Variants in GPD1L observed in about 807,000 individuals in gnomAD.
GPD1L encodes the protein glycerol-3-phosphate dehydrogenase 1-like protein.
Under a neutral mutation model 32.9 loss-of-function variants are expected in GPD1L, and 17 were observed. That is an observed-to-expected ratio of 0.52 (90% confidence interval 0.35 to 0.78). The LOEUF is 0.78. Among genes scored for constraint, GPD1L ranks in the 30% least tolerant of loss-of-function variants. The probability of loss-of-function intolerance (pLI) is 0.01; values close to 1 mark genes in which losing one functional copy is unlikely to be tolerated. For missense variants in GPD1L, 361 were observed against 447.8 expected (o/e 0.81, Z 1.75); for synonymous variants, 187 against 165.9 (o/e 1.13, Z -0.98).
chr3:32,125,547 C>T (rs1433420023), intron 1 of GPD1L, among the ~76,000 whole-genome samples: 1 of 152,088 alleles, frequency 6.6e-6, no homozygotes, highest in East Asian at 1.9e-4. Context: ...TTATGGTTCT[C>T]TTAATAGAAG....
chr3:32,122,995 C>G (rs1220443097), intron 1 of GPD1L, among the ~76,000 whole-genome samples: 1 of 152,152 alleles, frequency 6.6e-6, no homozygotes, highest in Non-Finnish European at 1.5e-5. Context: ...GCCTTGACCT[C>G]CTGGGCTCAA....
intron 1 of GPD1L, among the ~76,000 whole-genome samples, chr3:32,120,770 G>A (rs548059882): frequency 6.4e-4 from 97 of 152,286 alleles, no homozygotes; most frequent in African/African-American, 2.1e-3. Flanking sequence ...TTCCCCCTTG[G>A]CATAATAAAT....
chr3:32,116,014 T>G (rs955405871), intron 1 of GPD1L, among the ~76,000 whole-genome samples: 1 of 152,038 alleles, frequency 6.6e-6, no homozygotes, highest in African/African-American at 2.4e-5. Context: ...GGTCTCGATC[T>G]CCTGACCTCG....
intron 4 of GPD1L, among the ~76,000 whole-genome samples, chr3:32,143,371 G>T (rs1386624022): frequency 6.6e-6 from 1 of 152,114 alleles, no homozygotes; most frequent in Non-Finnish European, 1.5e-5. Flanking sequence ...GATTACAGGT[G>T]CGAGCCACTG....
rs1159743714 is a variant in GPD1L at position 32,166,700 on chromosome 3, G to A, written c.*790G>A. 1 of 152,640 alleles carries A rather than the reference G, an allele frequency of 6.6e-6. No homozygotes were observed. The highest frequency in any genetic ancestry group is 2.4e-5 in the African/African-American group (1 of 41,452). 9.5% of individuals were successfully genotyped at this position (152,640 alleles called of 1,614,324 possible). A position where few individuals can be genotyped will look rare whatever the true frequency, so the allele number is the denominator to read the frequency against. On this transcript the variant is annotated 3_prime_UTR_variant, in exon 8 of 8. Coordinates refer to ENST00000282541, the MANE Select transcript of GPD1L (RefSeq NM_015141.4). The stretch of plus-strand genomic sequence containing the variant: ...TTATCTTAAACATCACAGATCCACT[G>A]GGGGGTGCAAGGGGCTACTGTTAGT...
intron 5 of GPD1L, among the ~76,000 whole-genome samples, chr3:32,158,131 T>G (rs886122701): frequency 6.6e-6 from 1 of 152,176 alleles, no homozygotes; most frequent in African/African-American, 2.4e-5. Context: ...TCTACCCCAG[T>G]GCCAGTTGAC....
At chr3:32,119,594 C>A (rs1559569762) in intron 1 of GPD1L, among the ~76,000 whole-genome samples, 1 of 152,152 alleles carries the variant, frequency 6.6e-6, no homozygotes, top group Non-Finnish European at 1.5e-5. Context: ...TAAAATACTT[C>A]ATTTTTAACA....
chr3:32,166,984 C>CT lies in GPD1L; in HGVS notation c.*1076dup, dbSNP rs1701156105. ...CCTCGGTGCAGCAGCATCAGCTTCA[C>CT]TTGTGGGGGGGTGGGGGAAGGGGCG... On this transcript the variant is annotated 3_prime_UTR_variant, in exon 8 of 8. Transcript: ENST00000282541. The CT allele has an allele frequency of 6.6e-6, 1 of 151,530 alleles. No individual in the cohort carries two copies. The highest frequency in any genetic ancestry group is 6.6e-5 in the Admixed American group (1 of 15,240). The allele number at this position is 151,530 out of a possible 1,614,324, so 9.4% of individuals were successfully genotyped here.
At chr3:32,136,364 A>G (rs1014870691) in intron 2 of GPD1L, among the ~76,000 whole-genome samples, 3 of 152,190 alleles carry the variant, frequency 2.0e-5, no homozygotes, top group African/African-American at 7.2e-5. Context: ...GTTGGCTCTG[A>G]TTGTTTAATG....
chr3:32,114,096 C>A (rs1653696886), intron 1 of GPD1L, among the ~76,000 whole-genome samples: 2 of 152,240 alleles, frequency 1.3e-5, no homozygotes, highest in African/African-American at 2.4e-5. Flanking sequence ...CTCAAGTGAT[C>A]CTCCTGCCTT....
At chr3:32,143,121 C>T (rs945365506) in intron 4 of GPD1L, among the ~76,000 whole-genome samples, 8 of 151,756 alleles carry the variant, frequency 5.3e-5, no homozygotes, top group Admixed American at 1.3e-4. Flanking sequence ...GGAGATTGAG[C>T]GAGGCTGTAG....
intron 1 of GPD1L, among the ~76,000 whole-genome samples, chr3:32,121,790 A>G (rs915871336): frequency 5.2e-5 from 7 of 135,498 alleles, no homozygotes; most frequent in Non-Finnish European, 1.1e-4. Flanking sequence ...TATTTTTTTT[A>G]GGCAGAGTTT....
At chr3:32,124,966 A>C (rs1264462529) in intron 1 of GPD1L, among the ~76,000 whole-genome samples, 2 of 152,094 alleles carry the variant, frequency 1.3e-5, no homozygotes, top group African/African-American at 4.8e-5. Flanking sequence ...GTTAAAACAA[A>C]ATAAAATATA....
rs1376435565 is a variant in GPD1L at position 32,158,595 on chromosome 3, C to G, written c.619-281C>G. On this transcript the variant is annotated intron_variant, in intron 5 of 7. Transcript: ENST00000282541. ...GTAGTTTGTCCAAACATTATTTAACCAAAGACTACTATCAGCCGTTCTGAT... is the reference window on the plus strand; with the variant it reads ...GTAGTTTGTCCAAACATTATTTAACGAAAGACTACTATCAGCCGTTCTGAT... The G allele has an allele frequency of 2.4e-5, 14 of 583,430 alleles. No homozygotes were observed. In the African/African-American group the frequency reaches 2.4e-4, roughly 10 times the overall value. The allele number at this position is 583,430 out of a possible 1,614,324, so 36.1% of individuals were successfully genotyped here. A position where few individuals can be genotyped will look rare whatever the true frequency, so the allele number is the denominator to read the frequency against.
At chr3:32,157,139 TTTACTTATTA>T (rs1701003530) in intron 5 of GPD1L, among the ~76,000 whole-genome samples, 1 of 152,106 alleles carries the variant, frequency 6.6e-6, no homozygotes. Context: ...TAATCTGACT[TTTACTTATTA>T]TTTGGGCCCA....
At chr3:32,142,734 C>A (rs1700764906) in intron 4 of GPD1L, among the ~76,000 whole-genome samples, 1 of 152,136 alleles carries the variant, frequency 6.6e-6, no homozygotes, top group Non-Finnish European at 1.5e-5. Context: ...GACTCTAGCC[C>A]TGTTTGTTGT....
chr3:32,163,888 G>A (rs1242645997), intron 7 of GPD1L, among the ~76,000 whole-genome samples: 2 of 152,218 alleles, frequency 1.3e-5, no homozygotes, highest in African/African-American at 2.4e-5. Context: ...TTATTAAAGT[G>A]TTGGCCCAGT....
chr3:32,165,550 C>T (rs1254600077), intron 7 of GPD1L, among the ~76,000 whole-genome samples: 1 of 152,260 alleles, frequency 6.6e-6, no homozygotes, highest in East Asian at 1.9e-4. Context: ...AACAGTTTGC[C>T]CTGGTAGGAT....
At chr3:32,138,772 G>A (rs1300406461) in intron 3 of GPD1L, 45 bp downstream of exon 3, 2 of 1,597,312 alleles carry the variant, frequency 1.3e-6, no homozygotes, top group African/African-American at 2.7e-5. Flanking sequence ...TGGTTATCAG[G>A]AAATTTCATT....
Sources: allele counts gnomAD v4.1 joint callset (sites outside exome capture counted in the v4.1 genomes callset), GRCh38; gene constraint gnomAD v4.1.1; transcripts MANE v1.5; gene names NCBI Gene and HGNC (gene_info 2026-07-23, HGNC 2026-07-21).